Variants in FAM13C observed in about 807,000 individuals in gnomAD.
FAM13C encodes the protein family with sequence similarity 13 member C.
FAM13C carries 37 observed loss-of-function variants against 73.2 expected under a neutral mutation model. The ratio of observed to expected loss-of-function variants is 0.51; its 90% CI spans 0.39 to 0.67. The LOEUF (loss-of-function observed/expected upper bound fraction) is 0.67, where lower values mean the gene tolerates loss of function less well. Ranked by LOEUF, FAM13C falls within the 30% of genes least tolerant of loss-of-function variation. The probability of loss-of-function intolerance (pLI) is 0.00; values close to 1 mark genes in which losing one functional copy is unlikely to be tolerated. For missense variants in FAM13C, 589 were observed against 715.6 expected (o/e 0.82, Z 2.02); for synonymous variants, 246 against 260.9 (o/e 0.94, Z 0.55).
intron 3 of FAM13C, among the ~76,000 whole-genome samples, chr10:59,344,442 C>T (rs1854008826): frequency 1.1e-5 from 1 of 92,614 alleles, no homozygotes; most frequent in African/African-American, 3.4e-5. Flanking sequence ...CCACGCACGG[C>T]TGATTTTTTT....
At chr10:59,358,672 G>A (rs1856015438) in intron 1 of FAM13C, among the ~76,000 whole-genome samples, 1 of 152,158 alleles carries the variant, frequency 6.6e-6, no homozygotes, top group Non-Finnish European at 1.5e-5. Flanking sequence ...CCTATTGTTT[G>A]GGGATTTGGC....
intron 1 of FAM13C, chr10:59,361,183 T>C (rs1312160173): frequency 9.9e-7 from 1 of 1,012,458 alleles, no homozygotes; most frequent in Non-Finnish European, 1.3e-6. Flanking sequence ...AAATGAGTAT[T>C]TTACATTGCT....
At chr10:59,352,215 G>C (rs284606) in intron 3 of FAM13C, 55 bp downstream of exon 3, 1,350,871 of 1,597,464 alleles carry the variant, frequency 0.85, 573,578 homozygotes, top group Non-Finnish European at 0.87. Context: ...GAACCGTGTG[G>C]CCTAGCCTAA....
chr10:59,282,962 T>C (rs1173359582), intron 6 of FAM13C: 3 of 199,112 alleles, frequency 1.5e-5, no homozygotes, highest in East Asian at 1.1e-4. Flanking sequence ...AGTAGCAGTA[T>C]GGAAACTTCC....
chr10:59,256,102 A>G (rs921040224), intron 10 of FAM13C, among the ~76,000 whole-genome samples: 1 of 152,156 alleles, frequency 6.6e-6, no homozygotes, highest in Admixed American at 6.5e-5. Context: ...TTCTAACCCA[A>G]TCATTCTTTA....
At chr10:59,315,871 A>G (rs576872854) in intron 4 of FAM13C, among the ~76,000 whole-genome samples, 6 of 152,222 alleles carry the variant, frequency 3.9e-5, no homozygotes, top group East Asian at 1.9e-4. Context: ...AGTTCTCTCA[A>G]AGTTACTAGT....
chr10:59,271,198 A>G (rs1001899900), intron 6 of FAM13C, among the ~76,000 whole-genome samples: 3 of 152,224 alleles, frequency 2.0e-5, no homozygotes, highest in Non-Finnish European at 4.4e-5. Flanking sequence ...ACGAAAGGGG[A>G]AAACAAAAGA....
At chr10:59,326,378 G>A (rs1414598107) in intron 3 of FAM13C, among the ~76,000 whole-genome samples, 2 of 151,980 alleles carry the variant, frequency 1.3e-5, no homozygotes, top group Admixed American at 6.6e-5. Flanking sequence ...TGGAGAATTG[G>A]GGAAGACTAA....
intron 8 of FAM13C, among the ~76,000 whole-genome samples, chr10:59,265,504 G>T (rs1331197492): frequency 2.6e-5 from 4 of 151,978 alleles, no homozygotes; most frequent in Admixed American, 2.6e-4. Context: ...TTTTACATTT[G>T]GTTTCCCAAA....
chr10:59,251,203 G>A, intron 13 of FAM13C: 1 of 313,718 alleles, frequency 3.2e-6, no homozygotes, highest in Non-Finnish European at 5.7e-6. Context: ...AATAAATTAG[G>A]GAGTAACTTG....
intron 8 of FAM13C, among the ~76,000 whole-genome samples, chr10:59,266,915 G>A (rs1843134024): frequency 6.6e-6 from 1 of 152,168 alleles, no homozygotes; most frequent in Middle Eastern, 3.2e-3. Context: ...AAAAGTTTGT[G>A]TTATCTAGGA....
At chr10:59,249,503 TA>T (rs1564470622) in intron 13 of FAM13C, among the ~76,000 whole-genome samples, 1 of 150,524 alleles carries the variant, frequency 6.6e-6, no homozygotes, top group Non-Finnish European at 1.5e-5. Flanking sequence ...TAAAACATAC[TA>T]AAGTGCTTAG....
chr10:59,293,199 G>T (rs1285818353), intron 5 of FAM13C, among the ~76,000 whole-genome samples: 3 of 143,758 alleles, frequency 2.1e-5, no homozygotes, highest in Non-Finnish European at 4.5e-5. Context: ...TCAGCCTCCT[G>T]AGTAGCTGGG....
chr10:59,254,948 G>GTA (rs1841808813), intron 10 of FAM13C, among the ~76,000 whole-genome samples: 1 of 152,070 alleles, frequency 6.6e-6, no homozygotes, highest in African/African-American at 2.4e-5. Context: ...TTTCTTGGAA[G>GTA]TTTCTTAAAG....
intron 4 of FAM13C, among the ~76,000 whole-genome samples, chr10:59,306,303 A>AT (rs770865701): frequency 1.0e-3 from 157 of 152,332 alleles, no homozygotes; most frequent in Non-Finnish European, 2.0e-3. Context: ...ATATACTCAC[A>AT]TGATCTTCCA....
intron 6 of FAM13C, among the ~76,000 whole-genome samples, chr10:59,280,852 T>G (rs967908951): frequency 6.6e-6 from 1 of 152,202 alleles, no homozygotes; most frequent in African/African-American, 2.4e-5. Flanking sequence ...ATCAAGTCTA[T>G]AGTGAATTTG....
At chr10:59,305,613 A>G (rs1490903680) in intron 4 of FAM13C, among the ~76,000 whole-genome samples, 1 of 149,906 alleles carries the variant, frequency 6.7e-6, no homozygotes, top group African/African-American at 2.4e-5. Context: ...TCTTTAAAAT[A>G]TTCTTAAGAA....
Position 59,283,851 on chromosome 10 carries a change from T to G in FAM13C, c.508-404A>C, listed in dbSNP as rs147073072. Among the ~76,000 whole-genome samples, 4 of 152,296 alleles carry G rather than the reference T, an allele frequency of 2.6e-5. No individual in the cohort carries two copies. In the East Asian group the frequency reaches 7.7e-4, roughly 29 times the overall value. ...TACGCTTTGAGTGTTTCATTCATTG[T>G]GCTGACATCAGGAAGCAGAAGACAT... On this transcript the variant is annotated intron_variant, in intron 5 of 13. Transcript: ENST00000618804.
At chr10:59,349,954 G>A (rs1474005678) in intron 3 of FAM13C, among the ~76,000 whole-genome samples, 2 of 152,114 alleles carry the variant, frequency 1.3e-5, no homozygotes, top group Non-Finnish European at 1.5e-5. Context: ...ATTTAAAAAT[G>A]GCATCCGAGT....
Sources: gnomAD v4.1 joint callset for allele counts (sites outside exome capture counted in the v4.1 genomes callset) on GRCh38, gnomAD v4.1.1 for gene constraint, MANE v1.5 for transcripts, NCBI Gene and HGNC (gene_info 2026-07-23, HGNC 2026-07-21) for gene names.